The following RSPH14 variants were observed in gnomAD, a reference collection of about 807,000 sequenced individuals.
The protein encoded by RSPH14 is radial spoke head 14 homolog.
In RSPH14, 20 loss-of-function variants were observed where a neutral mutation model predicts 26.7. That is an observed-to-expected ratio of 0.75 (90% CI 0.53 to 1.09). The LOEUF (loss-of-function observed/expected upper bound fraction) is 1.09. RSPH14 is among the 50% of genes least tolerant of loss of function. RSPH14 has a pLI of 0.00. For missense variants in RSPH14, 449 were observed against 457.2 expected (o/e 0.98, Z 0.16); for synonymous variants, 177 against 189.3 (o/e 0.93, Z 0.53).
the RSPH14 span, chr22:23,161,723 G>C: frequency 4.7e-6 from 3 of 640,174 alleles, no homozygotes; most frequent in Non-Finnish European, 8.0e-6. Flanking sequence ...CTCAGCTCCA[G>C]GGCACAGTCA....
At chr22:23,119,385 G>A (rs1342151731) in intron 4 of RSPH14, among the ~76,000 whole-genome samples, 9 of 152,192 alleles carry the variant, frequency 5.9e-5, no homozygotes, top group Non-Finnish European at 1.0e-4. Context: ...AACTTCAGCT[G>A]GTCAGGGTCC....
chr22:23,146,109 G>C (rs2070755988), upstream of RSPH14: 1 of 781,054 alleles, frequency 1.3e-6, no homozygotes, highest in Admixed American at 6.3e-5. Flanking sequence ...AGGCAGGGTG[G>C]GGCAGGCCTG....
chr22:23,177,088 C>G, the RSPH14 span, among the ~76,000 whole-genome samples: 1 of 152,246 alleles, frequency 6.6e-6, no homozygotes, highest in Admixed American at 6.5e-5. Context: ...TTTGTGCAGG[C>G]CTACAAGGCC....
At chr22:23,157,096 G>T in the RSPH14 span, among the ~76,000 whole-genome samples, 1 of 152,198 alleles carries the variant, frequency 6.6e-6, no homozygotes, top group Admixed American at 6.5e-5. Context: ...CAGGACCGGG[G>T]TGCGGCCAGT....
chr22:23,115,245 C>T (rs750103601), intron 4 of RSPH14, among the ~76,000 whole-genome samples: 3 of 152,128 alleles, frequency 2.0e-5, no homozygotes, highest in East Asian at 1.9e-4. Flanking sequence ...CAACACAGTC[C>T]GGGGGCCCCT....
chr22:23,160,047 C>G, the RSPH14 span, among the ~76,000 whole-genome samples: 1 of 152,206 alleles, frequency 6.6e-6, no homozygotes, highest in Non-Finnish European at 1.5e-5. Context: ...TACGCAGGGC[C>G]TGGCACATAA....
At chr22:23,130,075 GAAAGAAAGGAAGAAAGAAA>G (rs2070285889) in intron 4 of RSPH14, among the ~76,000 whole-genome samples, 2 of 28,592 alleles carry the variant, frequency 7.0e-5, no homozygotes, top group Non-Finnish European at 7.3e-5. Context: ...AAGAAAGAAA[GAAAGAAAGGAAGAAAGAAA>G]GAAAGAAAGA....
chr22:23,177,100 T>C, the RSPH14 span, among the ~76,000 whole-genome samples: 1 of 152,250 alleles, frequency 6.6e-6, no homozygotes, highest in Non-Finnish European at 1.5e-5. Flanking sequence ...TACAAGGCCC[T>C]GCCTCACCTC....
At chr22:23,161,792 C>T in the RSPH14 span, 86 of 547,654 alleles carry the variant, frequency 1.6e-4, no homozygotes, top group South Asian at 3.5e-4. Context: ...GGGAGCCCCA[C>T]ACCACCGGGC....
chr22:23,154,700 TC>T, the RSPH14 span, among the ~76,000 whole-genome samples: 1 of 152,214 alleles, frequency 6.6e-6, no homozygotes, highest in South Asian at 2.1e-4. Flanking sequence ...TTTGCCAGCC[TC>T]CCTACGGGCT....
At chr22:23,111,164 C>G (rs542566074) in intron 4 of RSPH14, among the ~76,000 whole-genome samples, 1 of 152,342 alleles carries the variant, frequency 6.6e-6, no homozygotes, top group African/African-American at 2.4e-5. Context: ...CGGGGAGTGG[C>G]CTCACTGTCT....
intron 4 of RSPH14, among the ~76,000 whole-genome samples, chr22:23,066,105 C>A (rs1015014783): frequency 5.9e-5 from 9 of 152,148 alleles, no homozygotes; most frequent in African/African-American, 2.2e-4. Flanking sequence ...GACAATTTGA[C>A]CTTCTGTTAA....
At chr22:23,153,124 AGCC>A in the RSPH14 span, 2 of 1,613,602 alleles carry the variant, frequency 1.2e-6, no homozygotes, top group Non-Finnish European at 1.7e-6. Context: ...GATTCCCTAT[AGCC>A]TCCAGATGTA....
Position 23,121,720 on chromosome 22 carries a change from CTTT to C in RSPH14, c.421+12303_421+12305del, listed in dbSNP as rs10598505. On this transcript the variant is annotated intron_variant, in intron 4 of 6. Transcript: ENST00000216036. ...TGATGTAGTCTAGTCAGAAAAGTTC[CTTT>C]TTTTTTTTTTTTTTTTGAGACAGAG... is the stretch of plus-strand genomic sequence containing the variant. 9.5e-3 allele frequency among the ~76,000 whole-genome samples: 1,172 copies of C among 123,138 alleles called. 7 individuals carry two copies. The highest frequency in any genetic ancestry group is 0.026 in the African/African-American group (832 of 31,630). 80.8% of individuals were successfully genotyped at this position (123,138 alleles called of 152,430 possible).
At chr22:23,159,385 A>G in the RSPH14 span, 3 of 862,272 alleles carry the variant, frequency 3.5e-6, no homozygotes, top group East Asian at 5.4e-5. Context: ...GCACACTGGC[A>G]TCACAGCCCT....
At chr22:23,073,310 ACAGAGGCGT>A (rs2068424178) in intron 4 of RSPH14, among the ~76,000 whole-genome samples, 1 of 152,236 alleles carries the variant, frequency 6.6e-6, no homozygotes, top group South Asian at 2.1e-4. Context: ...AGCGAAATGA[ACAGAGGCGT>A]CAGTGCAGAT....
chr22:23,135,317 C>CAAAAAAAAAAAAAA (rs55649510), intron 3 of RSPH14, among the ~76,000 whole-genome samples: 1 of 85,882 alleles, frequency 1.2e-5, no homozygotes, highest in Non-Finnish European at 2.2e-5. Context: ...ACTAAAAATA[C>CAAAAAAAAAAAAAA]AAAAAAAAAA....
At chr22:23,145,607 C>A (rs938331967), upstream of RSPH14, 7 of 1,543,550 alleles carry the variant, frequency 4.5e-6, no homozygotes, top group Admixed American at 1.1e-4. Flanking sequence ...CCCGTGCTGG[C>A]ACATCCCGAG....
intron 4 of RSPH14, among the ~76,000 whole-genome samples, chr22:23,127,967 A>T (rs181045911): frequency 6.6e-6 from 1 of 151,830 alleles, no homozygotes; most frequent in African/African-American, 2.4e-5. Context: ...AGGGTCATCC[A>T]TCTCCACCCC....
Sources: allele counts gnomAD v4.1 joint callset (sites outside exome capture counted in the v4.1 genomes callset), GRCh38; gene constraint gnomAD v4.1.1; transcripts MANE v1.5; gene names NCBI Gene and HGNC (gene_info 2026-07-23, HGNC 2026-07-21).